The following NUFIP2 variants were observed in gnomAD, a reference collection of about 807,000 sequenced individuals.
NUFIP2 encodes the protein FMR1-interacting protein NUFIP2.
A neutral mutation model predicts 56.9 loss-of-function variants in NUFIP2; 6 were observed. That is an observed-to-expected ratio of 0.11 (90% CI 0.06 to 0.21). The LOEUF (loss-of-function observed/expected upper bound fraction) is 0.21. NUFIP2 is among the 10% of genes least tolerant of loss of function. The pLI, the probability that NUFIP2 is intolerant of heterozygous loss-of-function variation, is 1.00. For synonymous variants in NUFIP2, 321 were observed against 298.2 expected (o/e 1.08, Z -0.79); for missense variants, 828 against 826.8 (o/e 1.00, Z -0.02).
chr17:29,281,909 T>G (rs12951799), intron 2 of NUFIP2, among the ~76,000 whole-genome samples: 1 of 151,286 alleles, frequency 6.6e-6, no homozygotes. Context: ...GGACTACAGG[T>G]GCCTGCTACC....
Position 29,256,135 on chromosome 17 carries a change from T to C in NUFIP2, c.*8404A>G, listed in dbSNP as rs1440849816. On this transcript the variant is annotated 3_prime_UTR_variant, in exon 4 of 4. Transcript: ENST00000225388. ...CTTATATGTAGAAAAGACCTATATTTTTGACTGGGCAAAACAAACATTGAA... is the reference window on the plus strand; with the variant it reads ...CTTATATGTAGAAAAGACCTATATTCTTGACTGGGCAAAACAAACATTGAA... 1 of 152,224 alleles carries C rather than the reference T, an allele frequency of 6.6e-6. No individual in the cohort carries two copies. The highest frequency in any genetic ancestry group is 2.4e-5 in the African/African-American group (1 of 41,456). The allele number at this position is 152,224 out of a possible 1,614,324, so 9.4% of individuals were successfully genotyped here.
At chr17:29,267,070 A>T (rs2153010844) in intron 3 of NUFIP2, among the ~76,000 whole-genome samples, 1 of 149,774 alleles carries the variant, frequency 6.7e-6, no homozygotes, top group South Asian at 2.1e-4. Context: ...CGCCCAGCTA[A>T]TTTTTGTATT....
At position 29,294,067 on chromosome 17, in the gene NUFIP2, G is replaced by A. The variant is rs1333414040; in HGVS notation, c.-8C>T. On this transcript the variant is annotated 5_prime_UTR_variant, in exon 1 of 4. Transcript: ENST00000225388. ...GCCGGGCTTCTCCTCCATTGAAAGC[G>A]GCTGGGACTCCCTGGCTGAGGCTGC... 2 of 1,588,964 alleles carry A rather than the reference G, an allele frequency of 1.3e-6. No homozygotes were observed. The highest frequency in any genetic ancestry group is 8.6e-7 in the Non-Finnish European group (1 of 1,165,006).
At chr17:29,278,933 A>G (rs933164006) in intron 2 of NUFIP2, among the ~76,000 whole-genome samples, 2 of 152,180 alleles carry the variant, frequency 1.3e-5, no homozygotes, top group African/African-American at 4.8e-5. Context: ...CATATTAGGA[A>G]TTATTTGTTA....
intron 2 of NUFIP2, among the ~76,000 whole-genome samples, chr17:29,270,849 T>C (rs2069067911): frequency 6.6e-6 from 1 of 152,040 alleles, no homozygotes. Context: ...AAAAAGTTAA[T>C]CCAACTTTTC....
rs574333826 is a variant in NUFIP2, at chr17:29,266,201, A to G, written c.2035+1297T>C. On this transcript the variant is annotated intron_variant, in intron 3 of 3. Transcript: ENST00000225388. ...GGCTGGTCTTGAACTCCTGAACCTCAGGTGATCCACCTGCCTCCGCCTCCC... is the reference window on the plus strand; with the variant it reads ...GGCTGGTCTTGAACTCCTGAACCTCGGGTGATCCACCTGCCTCCGCCTCCC... Among the ~76,000 whole-genome samples, 878 of 150,856 alleles carry G rather than the reference A, an allele frequency of 5.8e-3. 4 individuals are homozygous for G. Among genetic ancestry groups the G allele is most frequent in the Non-Finnish European group, 8.6e-3 (579 of 67,076 alleles).
chr17:29,281,801 G>T, intron 2 of NUFIP2, among the ~76,000 whole-genome samples: 1 of 140,286 alleles, frequency 7.1e-6, no homozygotes, highest in African/African-American at 2.7e-5. Context: ...GCCTTGCTCT[G>T]TCGTCCAGGC....
chr17:29,291,836 T>C (rs1455868659), intron 1 of NUFIP2, among the ~76,000 whole-genome samples: 3 of 152,250 alleles, frequency 2.0e-5, no homozygotes, highest in East Asian at 3.8e-4. Flanking sequence ...CGTGCGTATG[T>C]GTTCACTTCT....
rs1176755482 is a variant in NUFIP2, at chr17:29,257,080, C to T, written c.*7459G>A. 6.6e-6 allele frequency: 1 copy of T among 152,174 alleles called. No individual in the cohort carries two copies. The highest frequency in any genetic ancestry group is 1.5e-5 in the Non-Finnish European group (1 of 68,010). 9.4% of individuals were successfully genotyped at this position (152,174 alleles called of 1,614,324 possible). On this transcript the variant is annotated 3_prime_UTR_variant, in exon 4 of 4. Transcript: ENST00000225388. Reference sequence around the variant, plus strand: ...TTTGATCAAATAAACCAAAATATTACTAAGGAAGAGCATCCAATGATTTGT... The same window carrying T: ...TTTGATCAAATAAACCAAAATATTATTAAGGAAGAGCATCCAATGATTTGT...
intron 1 of NUFIP2, among the ~76,000 whole-genome samples, chr17:29,290,092 C>T (rs1281112181): frequency 6.6e-6 from 1 of 151,884 alleles, no homozygotes; most frequent in African/African-American, 2.4e-5. Context: ...GCCACGTTGG[C>T]CTGGCTGGTT....
chr17:29,273,795 A>C (rs2069090902), intron 2 of NUFIP2, among the ~76,000 whole-genome samples: 1 of 152,208 alleles, frequency 6.6e-6, no homozygotes, highest in Admixed American at 6.5e-5. Context: ...ATTTCTTTAC[A>C]TCAAAACTTA....
Position 29,286,620 on chromosome 17 carries a change from A to T in NUFIP2, c.1374T>A (p.Ser458Arg), listed in dbSNP as rs372279176. Residue 458 changes from serine (S) to arginine (R), a missense_variant, in exon 2 of 4, where the codon AGT becomes AGA. By Grantham distance (110) the Ser-to-Arg change is moderately radical (BLOSUM62 -1). This residue lies in a region of NUFIP2 where 404 missense variants were observed against 380.3 expected (regional missense o/e 1.06). Transcript: ENST00000225388. ...TTTGTTCAACAGCTGCTGAAGTTAG[A>T]CTCATGTCCTGGAGAACTGAATCTG... ...SGTDSVLQDM[S>R]LTSAAVEQIK... 4 of 1,614,166 alleles carry T rather than the reference A, an allele frequency of 2.5e-6. No individual in the cohort carries two copies. The highest frequency in any genetic ancestry group is 3.4e-6 in the Non-Finnish European group (4 of 1,180,024).
intron 1 of NUFIP2, among the ~76,000 whole-genome samples, chr17:29,288,529 A>G (rs1247250969): frequency 1.3e-5 from 2 of 152,246 alleles, no homozygotes; most frequent in African/African-American, 4.8e-5. Context: ...AACTTTTTCT[A>G]AAGTATTCTT....
At chr17:29,284,680 T>C (rs1598434727) in intron 2 of NUFIP2, among the ~76,000 whole-genome samples, 1 of 111,244 alleles carries the variant, frequency 9.0e-6, no homozygotes, top group African/African-American at 3.6e-5. Flanking sequence ...CACTCCAGCC[T>C]GGGTGACAAG....
At chr17:29,289,954 C>T (rs971633873) in intron 1 of NUFIP2, among the ~76,000 whole-genome samples, 11 of 152,068 alleles carry the variant, frequency 7.2e-5, no homozygotes, top group African/African-American at 2.2e-4. Context: ...GACAGATTCT[C>T]GCTCTGTGGC....
Position 29,294,015 on chromosome 17 carries a change from G to T in NUFIP2, c.45C>A (p.Ser15Arg). Residue 15 changes from serine to arginine, a missense_variant, in exon 1 of 4, where the codon AGC becomes AGA. Around this residue, in one of 3 missense-constraint regions of NUFIP2, gnomAD observed 415 missense variants for 408.7 expected, o/e 1.02. Coordinates refer to ENST00000225388, the MANE Select transcript of NUFIP2 (RefSeq NM_020772.3). ...GAGGGTGATGGTGCGGATGGTGGTG[G>T]CTGTGATGGTGCTGAGGCTGTGGCT... ...PGQPQPQHHH[S>R]HHHPHHHPQQ... 1 of 1,612,492 alleles carries T rather than the reference G, an allele frequency of 6.2e-7. No individual in the cohort carries two copies. The highest frequency in any genetic ancestry group is 8.5e-7 in the Non-Finnish European group (1 of 1,179,104).
intron 2 of NUFIP2, among the ~76,000 whole-genome samples, chr17:29,281,645 T>C (rs1598433818): frequency 6.9e-6 from 1 of 145,616 alleles, no homozygotes; most frequent in East Asian, 2.0e-4. Flanking sequence ...GCTACGATAG[T>C]GCCACTGCAC....
At chr17:29,266,842 C>T (rs546629005) in intron 3 of NUFIP2, among the ~76,000 whole-genome samples, 33 of 151,846 alleles carry the variant, frequency 2.2e-4, no homozygotes, top group Admixed American at 9.2e-4. Flanking sequence ...GCCCCATCCT[C>T]GCCAGTCCTG....
intron 1 of NUFIP2, among the ~76,000 whole-genome samples, chr17:29,290,653 CAAA>C (rs749932039): frequency 1.0e-5 from 1 of 99,418 alleles, no homozygotes; most frequent in Admixed American, 1.1e-4. Flanking sequence ...GGCTGTGTCT[CAAA>C]AAAAAAAAAA....
Sources: allele counts gnomAD v4.1 joint callset (sites outside exome capture counted in the v4.1 genomes callset), GRCh38; gene constraint gnomAD v4.1.1; regional missense constraint gnomAD v4.1.1; transcripts MANE v1.5; gene names NCBI Gene and HGNC (gene_info 2026-07-23, HGNC 2026-07-21).